The following DCLK1 variants were observed in gnomAD, a reference collection of about 807,000 sequenced individuals.
DCLK1 encodes doublecortin like kinase 1.
DCLK1 carries 16 observed loss-of-function variants against 86.2 expected under a neutral mutation model. The ratio of observed to expected loss-of-function variants is 0.19; its 90% CI spans 0.13 to 0.28. The LOEUF is 0.28. Ranked by LOEUF, DCLK1 falls within the 10% of genes least tolerant of loss-of-function variation. The pLI, the probability that DCLK1 is intolerant of heterozygous loss-of-function variation, is 1.00. For synonymous variants in DCLK1, 369 were observed against 370.5 expected, an observed-to-expected ratio of 1.00 and a Z score of 0.05; for missense variants, 590 against 940.2, an observed-to-expected ratio of 0.63 and a Z score of 4.87.
intron 13 of DCLK1, 131 bp from the exon 14 acceptor site, chr13:35,808,451 T>G (rs2087074599): frequency 1.2e-6 from 1 of 823,260 alleles, no homozygotes; most frequent in East Asian, 2.5e-5. Context: ...TTTAATCGAT[T>G]GAAAAATGTC....
intron 3 of DCLK1, among the ~76,000 whole-genome samples, chr13:35,990,890 G>A (rs1880190789): frequency 6.6e-6 from 1 of 152,108 alleles, no homozygotes; most frequent in Non-Finnish European, 1.5e-5. Flanking sequence ...AAGTAGGACT[G>A]GAGAATACAA....
chr13:35,825,533 G>A (rs1471110695), intron 10 of DCLK1, among the ~76,000 whole-genome samples: 1 of 152,056 alleles, frequency 6.6e-6, no homozygotes, highest in East Asian at 1.9e-4. Flanking sequence ...GAGTGCCTAA[G>A]CCTTTGCCAT....
intron 3 of DCLK1, among the ~76,000 whole-genome samples, chr13:35,979,544 AG>A (rs1879533043): frequency 6.6e-6 from 1 of 152,208 alleles, no homozygotes; most frequent in Non-Finnish European, 1.5e-5. Context: ...TTCCACTCCC[AG>A]TGCCAAAGTA....
chr13:35,885,125 G>A lies in DCLK1; in HGVS notation c.824-13785C>T, dbSNP rs566751223. 3.9e-5 allele frequency among the ~76,000 whole-genome samples: 6 copies of A among 152,208 alleles called. No individual in the cohort carries two copies. In the South Asian group the frequency reaches 6.2e-4, roughly 16 times the overall value. On this transcript the variant is annotated intron_variant, in intron 4 of 16. Transcript: ENST00000360631. ...TGTGAGGTGGGCATCAAGCTTGATC[G>A]GGAACAGAGATTGTCCACCAGGAAT...
chr13:35,982,051 T>C (rs1169406374), intron 3 of DCLK1, among the ~76,000 whole-genome samples: 1 of 152,206 alleles, frequency 6.6e-6, no homozygotes, highest in Non-Finnish European at 1.5e-5. Context: ...TGAAATTCTA[T>C]GAATTTTTGA....
intron 4 of DCLK1, among the ~76,000 whole-genome samples, chr13:35,875,318 A>C (rs1450154914): frequency 6.6e-6 from 1 of 152,246 alleles, no homozygotes; most frequent in Non-Finnish European, 1.5e-5. Flanking sequence ...TGAATAGTTA[A>C]GATAGAAAGC....
chr13:35,907,625 G>A (rs1027327010), intron 4 of DCLK1, among the ~76,000 whole-genome samples: 4 of 151,990 alleles, frequency 2.6e-5, no homozygotes, highest in Non-Finnish European at 4.4e-5. Flanking sequence ...CAACAGGAGC[G>A]TATGGGGAAA....
intron 3 of DCLK1, among the ~76,000 whole-genome samples, chr13:36,100,958 C>G (rs369360594): frequency 6.6e-6 from 1 of 152,170 alleles, no homozygotes; most frequent in African/African-American, 2.4e-5. Flanking sequence ...AAAGTTACCC[C>G]TCCATTCCTG....
chr13:35,774,704 C>A lies in DCLK1; in HGVS notation c.2059-5G>T. The stretch of plus-strand genomic sequence containing the variant: ...CTCCTTATCAAGAGCGGTGGTCTAG[C>A]AGGGGCATAAAATGAGAAAGAGGAC... On this transcript the variant is annotated splice_polypyrimidine_tract_variant and splice_region_variant and intron_variant, in intron 16 of 16. Coordinates refer to ENST00000360631, the MANE Select transcript of DCLK1 (RefSeq NM_001330071.2). 6.2e-7 allele frequency: 1 copy of A among 1,610,404 alleles called. No homozygotes were observed. The highest frequency in any genetic ancestry group is 8.5e-7 in the Non-Finnish European group (1 of 1,178,196).
intron 5 of DCLK1, among the ~76,000 whole-genome samples, chr13:35,867,955 A>AAGAAAGAAAGAAAGAG (rs1871964684): frequency 6.7e-6 from 1 of 148,266 alleles, no homozygotes; most frequent in East Asian, 2.0e-4. Flanking sequence ...GAAAGAAAGA[A>AAGAAAGAAAGAAAGAG]AGAAAGAAAG....
intron 3 of DCLK1, among the ~76,000 whole-genome samples, chr13:36,089,510 C>T (rs1884739945): frequency 6.6e-6 from 1 of 152,188 alleles, no homozygotes; most frequent in Admixed American, 6.5e-5. Context: ...TGCAGGACCA[C>T]CCTCGAACAG....
Position 35,770,671 on chromosome 13 carries a change from G to A in DCLK1, c.*3864C>T, listed in dbSNP as rs2086314828. On this transcript the variant is annotated 3_prime_UTR_variant, in exon 17 of 17. Coordinates refer to ENST00000360631, the MANE Select transcript of DCLK1 (RefSeq NM_001330071.2). Reference sequence around the variant, plus strand: ...AAAAATTATTGACTTACAAATTATAGAAAAGATATGTTATCTACAATATAT... The same window carrying A: ...AAAAATTATTGACTTACAAATTATAAAAAAGATATGTTATCTACAATATAT... 1 of 152,094 alleles carries A rather than the reference G, an allele frequency of 6.6e-6. No individual in the cohort carries two copies. Among genetic ancestry groups the A allele is most frequent in the African/African-American group, 2.4e-5 (1 of 41,424 alleles). 9.4% of individuals were successfully genotyped at this position (152,094 alleles called of 1,614,324 possible). A position where few individuals can be genotyped will look rare whatever the true frequency, so the allele number is the denominator to read the frequency against.
chr13:36,105,479 A>C (rs1222980130), intron 3 of DCLK1, among the ~76,000 whole-genome samples: 2 of 152,182 alleles, frequency 1.3e-5, no homozygotes. Context: ...CACAATATAC[A>C]GATGATGAAA....
chr13:35,802,381 T>C (rs2086939652), intron 15 of DCLK1, among the ~76,000 whole-genome samples: 2 of 152,038 alleles, frequency 1.3e-5, no homozygotes, highest in Non-Finnish European at 2.9e-5. Flanking sequence ...ATGAATATCT[T>C]TCCTCTATGG....
At chr13:36,069,754 T>TC (rs1223225995) in intron 3 of DCLK1, among the ~76,000 whole-genome samples, 2 of 152,138 alleles carry the variant, frequency 1.3e-5, no homozygotes, top group African/African-American at 2.4e-5. Context: ...TGTTTGGATG[T>TC]CCCCCCATTA....
At chr13:36,058,121 A>G (rs1232841968) in intron 3 of DCLK1, among the ~76,000 whole-genome samples, 1 of 152,204 alleles carries the variant, frequency 6.6e-6, no homozygotes, top group African/African-American at 2.4e-5. Context: ...ACTGAGAGAC[A>G]TAATGAAGCA....
At chr13:35,820,448 G>A (rs773246165) in intron 11 of DCLK1, among the ~76,000 whole-genome samples, 1 of 152,066 alleles carries the variant, frequency 6.6e-6, no homozygotes, top group African/African-American at 2.4e-5. Flanking sequence ...ATTTGAATGA[G>A]CATAATACAT....
chr13:35,919,798 C>CA (rs891450715), intron 4 of DCLK1, among the ~76,000 whole-genome samples: 7 of 146,288 alleles, frequency 4.8e-5, no homozygotes, highest in Admixed American at 2.2e-4. Flanking sequence ...CCACCCCTCT[C>CA]AAAAAAAATT....
intron 4 of DCLK1, among the ~76,000 whole-genome samples, chr13:35,930,086 C>T (rs910922872): frequency 5.3e-5 from 8 of 152,216 alleles, no homozygotes; most frequent in Non-Finnish European, 1.2e-4. Context: ...ATCACCTTCA[C>T]ATCACATATA....
Sources: gnomAD v4.1 joint callset for allele counts (sites outside exome capture counted in the v4.1 genomes callset) on GRCh38, gnomAD v4.1.1 for gene constraint, MANE v1.5 for transcripts, NCBI Gene and HGNC (gene_info 2026-07-23, HGNC 2026-07-21) for gene names.